The following CAMTA1 variants were observed in gnomAD, a reference collection of about 807,000 sequenced individuals.
CAMTA1 encodes the protein calmodulin-binding transcription activator 1.
Under a neutral mutation model 170.9 loss-of-function variants are expected in CAMTA1, and 27 were observed. The observed-to-expected ratio is 0.16, with a 90% confidence interval of 0.12 to 0.22. The LOEUF is 0.22. Ranked by LOEUF, CAMTA1 falls within the 10% of genes least tolerant of loss-of-function variation. CAMTA1 has a pLI of 1.00. For synonymous variants in CAMTA1, 833 were observed against 891.5 expected (o/e 0.93, Z 1.17); for missense variants, 1,619 against 2,217.2 (o/e 0.73, Z 5.42).
intron 4 of CAMTA1, among the ~76,000 whole-genome samples, chr1:7,112,037 A>G (rs1447527288): frequency 6.6e-6 from 1 of 151,736 alleles, no homozygotes; most frequent in African/African-American, 2.4e-5. Flanking sequence ...TCTGTTTCTG[A>G]GTGTATGGGT....
intron 4 of CAMTA1, among the ~76,000 whole-genome samples, chr1:7,175,878 C>G (rs149993741): frequency 6.6e-6 from 1 of 152,134 alleles, no homozygotes; most frequent in Non-Finnish European, 1.5e-5. Context: ...TCTTTCCTGC[C>G]GATTTACACT....
chr1:6,838,977 G>T (rs1654518657), intron 3 of CAMTA1, among the ~76,000 whole-genome samples: 1 of 152,044 alleles, frequency 6.6e-6, no homozygotes, highest in African/African-American at 2.4e-5. Flanking sequence ...GGCTGGTCTT[G>T]AATTCCTGGC....
chr1:7,545,308 T>C (rs959205017), intron 6 of CAMTA1, among the ~76,000 whole-genome samples: 1 of 152,206 alleles, frequency 6.6e-6, no homozygotes, highest in Non-Finnish European at 1.5e-5. Flanking sequence ...TTAGCATCTA[T>C]GCAACAAAAC....
At chr1:7,329,042 A>G (rs2082867226) in intron 5 of CAMTA1, among the ~76,000 whole-genome samples, 1 of 152,222 alleles carries the variant, frequency 6.6e-6, no homozygotes, top group Non-Finnish European at 1.5e-5. Flanking sequence ...AAGCTGCACC[A>G]GAGACAAAAT....
chr1:7,667,617 C>T (rs756134450), intron 9 of CAMTA1, among the ~76,000 whole-genome samples: 2 of 152,098 alleles, frequency 1.3e-5, no homozygotes, highest in Non-Finnish European at 2.9e-5. Flanking sequence ...TGGGTGCAGA[C>T]CCACACCCCA....
At chr1:7,110,312 C>A (rs1047477988) in intron 4 of CAMTA1, among the ~76,000 whole-genome samples, 1 of 151,910 alleles carries the variant, frequency 6.6e-6, no homozygotes, top group African/African-American at 2.4e-5. Context: ...TCCTGAAGGG[C>A]TAGAATGTTC....
At chr1:7,344,938 A>G (rs1055298817) in intron 5 of CAMTA1, among the ~76,000 whole-genome samples, 14 of 151,878 alleles carry the variant, frequency 9.2e-5, no homozygotes, top group African/African-American at 3.4e-4. Context: ...TTTTTAGTAG[A>G]GACGGGGTTT....
chr1:7,258,613 T>C (rs187707276), intron 5 of CAMTA1, among the ~76,000 whole-genome samples: 4 of 152,218 alleles, frequency 2.6e-5, no homozygotes, highest in African/African-American at 9.7e-5. Context: ...CGGGCAGGCA[T>C]TGGAAGACCA....
At chr1:7,035,797 G>A (rs953220681) in intron 3 of CAMTA1, among the ~76,000 whole-genome samples, 9 of 152,182 alleles carry the variant, frequency 5.9e-5, no homozygotes, top group South Asian at 2.1e-4. Flanking sequence ...TGTTAACAAC[G>A]TTTACACTAA....
At chr1:7,535,848 C>G (rs1575859741) in intron 6 of CAMTA1, among the ~76,000 whole-genome samples, 1 of 152,158 alleles carries the variant, frequency 6.6e-6, no homozygotes, top group South Asian at 2.1e-4. Context: ...CCCACAGGAA[C>G]CTGGGGCGCT....
At chr1:7,723,641 G>A (rs1050102560) in intron 11 of CAMTA1, among the ~76,000 whole-genome samples, 3 of 152,100 alleles carry the variant, frequency 2.0e-5, no homozygotes, top group African/African-American at 7.2e-5. Flanking sequence ...CCAAATGATG[G>A]AGGCTGACCT....
At chr1:7,475,525 C>G (rs75735962) in intron 6 of CAMTA1, among the ~76,000 whole-genome samples, 3,525 of 152,324 alleles carry the variant, frequency 0.023, 48 homozygotes, top group South Asian at 0.054. Context: ...CGCACCATCC[C>G]GCAGCCCAGC....
At chr1:7,271,585 T>C (rs1574343836) in intron 5 of CAMTA1, among the ~76,000 whole-genome samples, 1 of 118,792 alleles carries the variant, frequency 8.4e-6, no homozygotes, top group South Asian at 2.5e-4. Context: ...GATAGATAGA[T>C]AGATAGATAG....
chr1:7,741,029 A>G (rs1393543370), intron 16 of CAMTA1, among the ~76,000 whole-genome samples: 1 of 152,158 alleles, frequency 6.6e-6, no homozygotes, highest in African/African-American at 2.4e-5. Flanking sequence ...AAACTGAGCA[A>G]TTATCGATAG....
intron 21 of CAMTA1, 146 bp downstream of exon 21, chr1:7,752,679 C>T (rs2096905824): frequency 3.3e-6 from 2 of 614,612 alleles, no homozygotes; most frequent in South Asian, 4.3e-5. Flanking sequence ...GGCGGTAGAG[C>T]TCTTTAACTA....
Position 6,918,011 on chromosome 1 carries a change from G to A in CAMTA1, c.234+92801G>A, listed in dbSNP as rs1165308461. 6.6e-6 allele frequency among the ~76,000 whole-genome samples: 1 copy of A among 152,130 alleles called. No individual in the cohort carries two copies. The highest frequency in any genetic ancestry group is 1.5e-5 in the Non-Finnish European group (1 of 68,018). ...TCCATGCTGTCTGGGACCTAGGCTGGGTGGGGCTGGGTTAGGCCTCACATC... is the reference window on the plus strand; with the variant it reads ...TCCATGCTGTCTGGGACCTAGGCTGAGTGGGGCTGGGTTAGGCCTCACATC... On this transcript the variant is annotated intron_variant, in intron 3 of 22. Transcript: ENST00000303635. The surrounding 1 kb of genome is among the most constrained non-coding windows in gnomAD (Gnocchi z 4.0).
intron 5 of CAMTA1, among the ~76,000 whole-genome samples, chr1:7,254,098 C>T (rs886227432): frequency 1.3e-5 from 2 of 151,866 alleles, no homozygotes; most frequent in African/African-American, 2.4e-5. Context: ...AAGTGGGGTG[C>T]GGTGGGAGCG....
intron 11 of CAMTA1, among the ~76,000 whole-genome samples, chr1:7,701,412 TGC>T (rs1371904639): frequency 2.6e-5 from 4 of 152,118 alleles, no homozygotes; most frequent in Non-Finnish European, 4.4e-5. Flanking sequence ...TCCCTGTATC[TGC>T]TTTTTTTCTC....
chr1:7,383,010 G>A (rs1287402388), intron 5 of CAMTA1, among the ~76,000 whole-genome samples: 1 of 152,156 alleles, frequency 6.6e-6, no homozygotes, highest in Non-Finnish European at 1.5e-5. Flanking sequence ...CTAAACACTG[G>A]GAATATAATG....
Sources: gnomAD v4.1 joint callset for allele counts (sites outside exome capture counted in the v4.1 genomes callset) on GRCh38, gnomAD v4.1.1 for gene constraint, Gnocchi (gnomAD v3.1) non-coding constraint, MANE v1.5 for transcripts, NCBI Gene and HGNC (gene_info 2026-07-23, HGNC 2026-07-21) for gene names.